The following ZNF718 variants were observed in gnomAD, a reference collection of about 807,000 sequenced individuals.
The protein encoded by ZNF718 is zinc finger protein 718.
In ZNF718, 3 loss-of-function variants were observed where a neutral mutation model predicts 2.6. That is an observed-to-expected ratio of 1.16 (90% CI 0.53 to 3.01). The LOEUF is 3.01. Ranked by LOEUF, ZNF718 falls within the 30% of genes most tolerant of loss-of-function variation. ZNF718 has a pLI of 0.03. For synonymous variants in ZNF718, 135 were observed against 77.9 expected (o/e 1.73, Z -3.86); for missense variants, 468 against 230.0 (o/e 2.03, Z -6.69).
At chr4:179,588 A>G (rs1717424784) in intron 3 of ZNF718, among the ~76,000 whole-genome samples, 1 of 152,220 alleles carries the variant, frequency 6.6e-6, no homozygotes, top group South Asian at 2.1e-4. Context: ...GTGAAGAGAA[A>G]GAGTACAAAG....
chr4:156,342 G>A (rs1308568836), intron 3 of ZNF718, among the ~76,000 whole-genome samples: 2 of 152,006 alleles, frequency 1.3e-5, no homozygotes, highest in Admixed American at 6.6e-5. Flanking sequence ...CCCTGTCTAG[G>A]TGAGTTGTCA....
intron 3 of ZNF718, among the ~76,000 whole-genome samples, chr4:200,032 C>T (rs960334627): frequency 6.6e-6 from 1 of 152,082 alleles, no homozygotes. Context: ...ATCTGTTTGC[C>T]AGTATGACTA....
chr4:175,852 CTTTT>C (rs1158577358), intron 3 of ZNF718, among the ~76,000 whole-genome samples: 5 of 98,932 alleles, frequency 5.1e-5, no homozygotes, highest in Non-Finnish European at 5.9e-5. Flanking sequence ...GATTAACAGT[CTTTT>C]TTTTTTTTTT....
intron 3 of ZNF718, among the ~76,000 whole-genome samples, chr4:197,796 T>C (rs563011047): frequency 6.6e-6 from 1 of 152,324 alleles, no homozygotes; most frequent in South Asian, 2.1e-4. Context: ...TTGTGTTTCA[T>C]TGTGTCTCTT....
rs782658859 is a variant in ZNF718, at chr4:161,139, T to G, written c.454T>G (p.Phe152Val). Residue 152 changes from phenylalanine to valine, a missense_variant, in exon 4 of 4, where the codon TTT becomes GTT. By Grantham distance (50) the Phe-to-Val change is conservative (BLOSUM62 -1). Transcript: ENST00000510175. The stretch of plus-strand genomic sequence containing the variant: ...TCAATCTAATATATGTGTCAAAGTT[T>G]TTCATAAATTTTCAAATTCAAACAA... The part of the protein sequence containing the change: ...TIQSNICVKV[F>V]HKFSNSNKDK... 1.3e-6 allele frequency: 1 copy of G among 755,222 alleles called. No individual in the cohort carries two copies. 46.8% of individuals were successfully genotyped at this position (755,222 alleles called of 1,614,324 possible).
chr4:164,826 T>G (rs1162838768), downstream of ZNF718, among the ~76,000 whole-genome samples: 1 of 152,176 alleles, frequency 6.6e-6, no homozygotes, highest in Non-Finnish European at 1.5e-5. Flanking sequence ...ATGAGGATGT[T>G]TTGATATGTA....
intron 3 of ZNF718, among the ~76,000 whole-genome samples, chr4:197,022 G>C (rs1012800875): frequency 1.3e-5 from 2 of 149,208 alleles, no homozygotes; most frequent in Admixed American, 1.3e-4. Flanking sequence ...CCCCATCTTG[G>C]GAGTGGCCCG....
At chr4:136,505 GT>G in intron 3 of ZNF718, 1 of 523,272 alleles carries the variant, frequency 1.9e-6, no homozygotes. Flanking sequence ...AGTGTGCCAT[GT>G]TTTATCTGCA....
chr4:134,663 TTTAA>T (rs1311958900), intron 3 of ZNF718, among the ~76,000 whole-genome samples: 3 of 152,258 alleles, frequency 2.0e-5, no homozygotes, highest in African/African-American at 7.2e-5. Context: ...TGTATACATA[TTTAA>T]TCTCATCGGT....
At chr4:159,699 T>G (rs1227604589) in intron 3 of ZNF718, among the ~76,000 whole-genome samples, 1 of 151,942 alleles carries the variant, frequency 6.6e-6, no homozygotes. Context: ...ATTTTATAAA[T>G]TGTATATGTT....
At chr4:196,264 A>G (rs6841277) in intron 3 of ZNF718, among the ~76,000 whole-genome samples, 59,440 of 152,000 alleles carry the variant, frequency 0.39, 12,093 homozygotes, top group South Asian at 0.49. Flanking sequence ...CTAGCCATTT[A>G]CAAACTTGGG....
rs562387674 is a variant in ZNF718, at chr4:191,203, C to T, written c.227-9878C>T. 2.6e-3 allele frequency among the ~76,000 whole-genome samples: 344 copies of T among 131,328 alleles called. 2 individuals are homozygous for T. Among genetic ancestry groups the T allele is most frequent in the African/African-American group, 9.2e-3 (312 of 33,952 alleles). The allele number at this position is 131,328 out of a possible 152,430, so 86.2% of individuals were successfully genotyped here. A position where few individuals can be genotyped will look rare whatever the true frequency, so the allele number is the denominator to read the frequency against. On this transcript the variant is annotated intron_variant and NMD_transcript_variant, in intron 3 of 4. Transcript: ENST00000642529. ...ACTCTAGTCACCCCAGGCTGGAGTG[C>T]GGTGGTGTCATCTCGGCTCACTGCA... is the stretch of plus-strand genomic sequence containing the variant.
rs372154122 is a variant in ZNF718, at chr4:161,032, A to G, written c.347A>G (p.Lys116Arg). The G allele has an allele frequency of 3.6e-5, 28 of 780,684 alleles. No individual in the cohort carries two copies. The highest frequency in any genetic ancestry group is 6.2e-5 in the Non-Finnish European group (26 of 417,948). The allele number at this position is 780,684 out of a possible 1,614,324, so 48.4% of individuals were successfully genotyped here. A position where few individuals can be genotyped will look rare whatever the true frequency, so the allele number is the denominator to read the frequency against. Residue 116 changes from lysine to arginine, a missense_variant, in exon 4 of 4, where the codon AAA (lysine) becomes AGA (arginine). Lys to Arg is a conservative substitution (Grantham distance 26). Coordinates refer to ENST00000510175, the MANE Select transcript of ZNF718 (RefSeq NM_001039127.6). Reference protein sequence around the residue: ...RGHENLRKTCKSINECKVQKG... With the variant: ...RGHENLRKTCRSINECKVQKG... ...CATGAGAATTTAAGAAAAACTTGTA[A>G]AAGTATAAATGAGTGTAAGGTGCAG...
rs140921048 is a variant in ZNF718 at position 175,751 on chromosome 4, C to A, written c.227-25330C>A. Among the ~76,000 whole-genome samples, 669 of 152,264 alleles carry A rather than the reference C, an allele frequency of 4.4e-3. 2 individuals carry two copies. The highest frequency in any genetic ancestry group is 0.015 in the African/African-American group (637 of 41,546). On this transcript the variant is annotated intron_variant and NMD_transcript_variant, in intron 3 of 4. Transcript: ENST00000642529. ...ATGCCTTTGTTACCATAAACCAACA[C>A]CCCCTCCAGGGAAGAGTTAACTGTG...
chr4:166,753 C>A (rs1717097301), downstream of ZNF718, among the ~76,000 whole-genome samples: 1 of 151,808 alleles, frequency 6.6e-6, no homozygotes, highest in Admixed American at 6.6e-5. Context: ...GGATATTAGT[C>A]CTTTGTCAGA....
intron 3 of ZNF718, among the ~76,000 whole-genome samples, chr4:190,138 T>TA (rs1337439618): frequency 2.0e-5 from 3 of 152,164 alleles, no homozygotes; most frequent in African/African-American, 4.8e-5. Flanking sequence ...AGAAAAATCT[T>TA]ACCTGTTCTA....
At chr4:175,286 A>G (rs1324813546) in intron 3 of ZNF718, among the ~76,000 whole-genome samples, 1 of 152,142 alleles carries the variant, frequency 6.6e-6, no homozygotes. Context: ...CCTCTTTACA[A>G]AAGAACCCCT....
intron 3 of ZNF718, among the ~76,000 whole-genome samples, chr4:153,472 G>A (rs1427372692): frequency 6.6e-6 from 1 of 152,144 alleles, no homozygotes; most frequent in African/African-American, 2.4e-5. Context: ...TATTATGATA[G>A]AGATTGCATT....
chr4:149,408 A>G (rs184080913), intron 3 of ZNF718, among the ~76,000 whole-genome samples: 1 of 152,258 alleles, frequency 6.6e-6, no homozygotes, highest in East Asian at 1.9e-4. Flanking sequence ...ACATCTGTAT[A>G]TATTTAATAT....
Sources: allele counts gnomAD v4.1 joint callset (sites outside exome capture counted in the v4.1 genomes callset), GRCh38; gene constraint gnomAD v4.1.1; transcripts MANE v1.5; gene names NCBI Gene and HGNC (gene_info 2026-07-23, HGNC 2026-07-21).